Variants in PPP2R1B observed in about 807,000 individuals in gnomAD.
PPP2R1B encodes the protein protein phosphatase 2 scaffold subunit Abeta, also known as serine/threonine-protein phosphatase 2A 65 kDa regulatory subunit A beta isoform.
Under a neutral mutation model 72.7 loss-of-function variants are expected in PPP2R1B, and 58 were observed. The ratio of observed to expected loss-of-function variants is 0.80; its 90% CI spans 0.65 to 0.99. The LOEUF is 0.99. Ranked by LOEUF, PPP2R1B falls within the 50% of genes least tolerant of loss-of-function variation. PPP2R1B has a pLI of 0.00. For missense variants in PPP2R1B, 695 were observed against 733.6 expected (o/e 0.95, Z 0.61); for synonymous variants, 256 against 264.6 (o/e 0.97, Z 0.32).
chr11:111,763,524 T>C (rs1555051974), intron 3 of PPP2R1B, among the ~76,000 whole-genome samples: 1 of 152,152 alleles, frequency 6.6e-6, no homozygotes, highest in African/African-American at 2.4e-5. Flanking sequence ...TACAGCAATC[T>C]AGAGGAAAGA....
the PPP2R1B span, chr11:111,720,056 C>T: frequency 6.5e-7 from 1 of 1,542,230 alleles, no homozygotes; most frequent in Non-Finnish European, 8.8e-7. Flanking sequence ...ATGTCATACT[C>T]CAATTGCCAA....
chr11:111,704,481 T>C, the PPP2R1B span, among the ~76,000 whole-genome samples: 2 of 152,224 alleles, frequency 1.3e-5, no homozygotes, highest in African/African-American at 2.4e-5. Context: ...GGAGACATAG[T>C]GTCTCTCAAT....
chr11:111,717,209 G>A, the PPP2R1B span, among the ~76,000 whole-genome samples: 5 of 151,376 alleles, frequency 3.3e-5, no homozygotes, highest in African/African-American at 7.3e-5. Flanking sequence ...CCAGCTACTC[G>A]GGAGGCTGAG....
chr11:111,715,960 C>T, the PPP2R1B span, among the ~76,000 whole-genome samples: 23 of 152,124 alleles, frequency 1.5e-4, no homozygotes, highest in East Asian at 2.1e-3. Context: ...TGCCACCACA[C>T]CCAGCTAAGT....
chr11:111,739,352 A>C lies in PPP2R1B; in HGVS notation c.*2244T>G, dbSNP rs1181135470. 1 of 985,032 alleles carries C rather than the reference A, an allele frequency of 1.0e-6. No homozygotes were observed. The highest frequency in any genetic ancestry group is 1.7e-5 in the African/African-American group (1 of 57,214). 61.0% of individuals were successfully genotyped at this position (985,032 alleles called of 1,614,324 possible). ...TCCCTTAAGTTTAAGGTAGTTAAAA[A>C]AAAAAATAGGAGAACTAATTCATGG... On this transcript the variant is annotated 3_prime_UTR_variant, in exon 15 of 15. Transcript: ENST00000527614.
chr11:111,709,566 C>T, the PPP2R1B span, among the ~76,000 whole-genome samples: 1 of 152,172 alleles, frequency 6.6e-6, no homozygotes, highest in African/African-American at 2.4e-5. Flanking sequence ...ATAATCATTG[C>T]GTATTGACAC....
At chr11:111,737,619 C>A (rs779234766), downstream of PPP2R1B, 3 of 1,609,988 alleles carry the variant, frequency 1.9e-6, no homozygotes, top group South Asian at 3.3e-5. Flanking sequence ...AGGGCACATC[C>A]CTCCCAAGCC....
rs1370018293 is a variant in PPP2R1B at position 111,747,957 on chromosome 11, G to T, written c.1396C>A (p.His466Asn). ...TAATCTGTTTTTATCTACTCACCAT[G>T]GTCCACGAGCCAAGCCATACATAAA... ...NSLCMAWLVD[H>N]VYAIREAATN... The change falls in exon 11 of 15, where the codon CAT becomes AAT. Residue 466 changes from histidine (H) to asparagine (N), a missense_variant. Coordinates refer to ENST00000527614, the MANE Select transcript of PPP2R1B (RefSeq NM_002716.5). 2 of 1,610,512 alleles carry T rather than the reference G, an allele frequency of 1.2e-6. No homozygotes were observed. The highest frequency in any genetic ancestry group is 1.7e-6 in the Non-Finnish European group (2 of 1,177,308).
chr11:111,704,507 C>T, the PPP2R1B span, among the ~76,000 whole-genome samples: 3 of 152,206 alleles, frequency 2.0e-5, no homozygotes, highest in Admixed American at 6.5e-5. Context: ...ATCCAGATGC[C>T]ATTCTCCAGC....
chr11:111,761,944 A>G (rs1445255117), intron 3 of PPP2R1B, among the ~76,000 whole-genome samples: 1 of 152,000 alleles, frequency 6.6e-6, no homozygotes, highest in Non-Finnish European at 1.5e-5. Context: ...TGGGTGACAG[A>G]GTGAGGCTCT....
downstream of PPP2R1B, among the ~76,000 whole-genome samples, chr11:111,733,366 C>T (rs986879069): frequency 1.3e-5 from 2 of 152,204 alleles, no homozygotes; most frequent in East Asian, 1.9e-4. Flanking sequence ...GCATGGGAAG[C>T]GGACTTCCCC....
chr11:111,727,223 A>C, intron 15 of PPP2R1B: 1 of 637,326 alleles, frequency 1.6e-6, no homozygotes, highest in Non-Finnish European at 2.8e-6. Context: ...CACCTTGAGA[A>C]TCCCTGCGTG....
At chr11:111,711,980 G>A in the PPP2R1B span, among the ~76,000 whole-genome samples, 2 of 152,226 alleles carry the variant, frequency 1.3e-5, no homozygotes, top group East Asian at 1.9e-4. Context: ...ATCCCCTCAT[G>A]AGGCAGAAAT....
chr11:111,738,523 A>C lies in PPP2R1B; in HGVS notation c.*3073T>G, dbSNP rs915974231. On this transcript the variant is annotated 3_prime_UTR_variant, in exon 15 of 15. Transcript: ENST00000527614. ...GCTTCCCTGGAAGTCTACGCAAGCA[A>C]CCTGAATGCCTGGACAAGCCAGCTC... The C allele has an allele frequency of 3.0e-6, 3 of 985,462 alleles. No individual in the cohort carries two copies. Among genetic ancestry groups the C allele is most frequent in the Non-Finnish European group, 3.6e-6 (3 of 829,938 alleles). The allele number at this position is 985,462 out of a possible 1,614,324, so 61.0% of individuals were successfully genotyped here. A position where few individuals can be genotyped will look rare whatever the true frequency, so the allele number is the denominator to read the frequency against.
chr11:111,718,919 C>A, the PPP2R1B span: 2 of 152,294 alleles, frequency 1.3e-5, no homozygotes, highest in African/African-American at 2.4e-5. Flanking sequence ...CTTGCAACCA[C>A]AACCCCCATG....
chr11:111,716,038 G>A, the PPP2R1B span, among the ~76,000 whole-genome samples: 3 of 151,996 alleles, frequency 2.0e-5, no homozygotes, highest in South Asian at 4.1e-4. Flanking sequence ...CTGTCCTCAG[G>A]TGATCTGCCC....
chr11:111,721,950 T>C (rs201282279), downstream of PPP2R1B: 21 of 1,568,946 alleles, frequency 1.3e-5, no homozygotes, highest in East Asian at 4.8e-4. Flanking sequence ...GGTGGGTCCT[T>C]CTCCTTGCGA....
In PPP2R1B at chr11:111,743,527, T is replaced by C. The variant is rs34166584; in HGVS notation, c.1403A>G (p.Tyr468Cys). 12 of 1,612,030 alleles carry C rather than the reference T, an allele frequency of 7.4e-6. No homozygotes were observed. In the African/African-American group the frequency reaches 1.3e-4, roughly 18 times the overall value. Residue 468 changes from tyrosine to cysteine, a missense_variant, in exon 12 of 15, where the codon TAC becomes TGC. Coordinates refer to ENST00000527614, the MANE Select transcript of PPP2R1B (RefSeq NM_002716.5). ...GTTGGTGGCAGCTTCTCGGATGGCGTATACTGCAGAAGAGGTCAAAAACAT... is the reference window on the plus strand; with the variant it reads ...GTTGGTGGCAGCTTCTCGGATGGCGCATACTGCAGAAGAGGTCAAAAACAT... The part of the protein sequence containing the change: ...LCMAWLVDHV[Y>C]AIREAATNNL...
chr11:111,735,649 C>T (rs1056445931), downstream of PPP2R1B, among the ~76,000 whole-genome samples: 7 of 152,350 alleles, frequency 4.6e-5, no homozygotes, highest in Middle Eastern at 3.4e-3. Context: ...GACTGGCTCT[C>T]GCCCTTTCCC....
Sources: gnomAD v4.1 joint callset for allele counts (sites outside exome capture counted in the v4.1 genomes callset) on GRCh38, gnomAD v4.1.1 for gene constraint, MANE v1.5 for transcripts, NCBI Gene and HGNC (gene_info 2026-07-23, HGNC 2026-07-21) for gene names.